RALGPS1: variants seen among roughly 807,000 people sequenced by gnomAD.
RALGPS1 encodes the protein ras-specific guanine nucleotide-releasing factor RalGPS1.
RALGPS1 carries 19 observed loss-of-function variants against 78.8 expected under a neutral mutation model. The ratio of observed to expected loss-of-function variants is 0.24; its 90% CI spans 0.17 to 0.35. The LOEUF (loss-of-function observed/expected upper bound fraction) is 0.35, where lower values mean the gene tolerates loss of function less well. Among genes scored for constraint, RALGPS1 ranks in the 10% least tolerant of loss-of-function variants. The pLI is 1.00. For synonymous variants in RALGPS1, 228 were observed against 256.3 expected, an observed-to-expected ratio of 0.89 and a Z score of 1.06; for missense variants, 454 against 688.3, an observed-to-expected ratio of 0.66 and a Z score of 3.81.
chr9:127,036,051 T>C (rs1202833395), intron 5 of RALGPS1, among the ~76,000 whole-genome samples: 1 of 152,234 alleles, frequency 6.6e-6, no homozygotes, highest in African/African-American at 2.4e-5. Flanking sequence ...TAATCTGCTT[T>C]GCATGTGGAT....
intron 12 of RALGPS1, among the ~76,000 whole-genome samples, chr9:127,196,270 G>GGAT (rs2061343462): frequency 6.6e-6 from 1 of 152,216 alleles, no homozygotes; most frequent in East Asian, 1.9e-4. Flanking sequence ...CCCATTGGAT[G>GGAT]GATGGAGAAA....
intron 10 of RALGPS1, among the ~76,000 whole-genome samples, chr9:127,173,065 T>C (rs1281058332): frequency 6.6e-6 from 1 of 152,196 alleles, no homozygotes; most frequent in East Asian, 1.9e-4. Context: ...TCCAGGGGTT[T>C]TAGTCTTTCT....
intron 4 of RALGPS1, chr9:126,990,177 G>A (rs2042160962): frequency 2.8e-6 from 2 of 704,036 alleles, no homozygotes; most frequent in East Asian, 2.9e-5. Flanking sequence ...CATTTGTAAA[G>A]TGGAGATTGG....
intron 7 of RALGPS1, among the ~76,000 whole-genome samples, chr9:127,063,255 A>G (rs1241552203): frequency 6.6e-6 from 1 of 152,228 alleles, no homozygotes; most frequent in Non-Finnish European, 1.5e-5. Context: ...AGTGCCACAT[A>G]CAAGGTACTC....
intron 4 of RALGPS1, among the ~76,000 whole-genome samples, chr9:126,981,282 A>C (rs1287220534): frequency 6.6e-6 from 1 of 152,210 alleles, no homozygotes; most frequent in Non-Finnish European, 1.5e-5. Flanking sequence ...TAGCATGCAC[A>C]GAGGGTGTGG....
chr9:127,186,352 G>C lies in RALGPS1; in HGVS notation c.911-8739G>C, dbSNP rs79546504. Among the ~76,000 whole-genome samples the C allele has an allele frequency of 5.4e-3, 830 of 152,342 alleles. 27 individuals are homozygous for C. The East Asian group carries it at 0.087, about 16-fold the overall frequency. ...AGCCACATGGTCAGTTTTTCCAGCT[G>C]TCCGTGCCATATCGGGGCTGGCAGC... On this transcript the variant is annotated intron_variant, in intron 11 of 18. Coordinates refer to ENST00000259351, the MANE Select transcript of RALGPS1 (RefSeq NM_014636.3).
At chr9:127,182,794 A>T (rs1459798574) in intron 11 of RALGPS1, among the ~76,000 whole-genome samples, 1 of 152,180 alleles carries the variant, frequency 6.6e-6, no homozygotes. Context: ...AAATGTACTA[A>T]TACAGAAAAT....
chr9:126,967,416 G>C (rs1443170288), intron 3 of RALGPS1, among the ~76,000 whole-genome samples: 1 of 152,090 alleles, frequency 6.6e-6, no homozygotes, highest in Non-Finnish European at 1.5e-5. Flanking sequence ...CTCACTCTGT[G>C]TTCAAATGTC....
In RALGPS1 at chr9:126,949,212, T is replaced by C. The variant is rs563674161; in HGVS notation, c.-65-13013T>C. 3.3e-5 allele frequency among the ~76,000 whole-genome samples: 5 copies of C among 152,360 alleles called. No homozygotes were observed. In the South Asian group the frequency reaches 1.0e-3, roughly 32 times the overall value. On this transcript the variant is annotated intron_variant, in intron 1 of 18. Transcript: ENST00000259351. ...CACATTTTCTTAATCCAGTCTATCA[T>C]TGTTGGACATTTGGGTTGGTTCCAA...
At chr9:127,010,005 C>T (rs2044200606) in intron 4 of RALGPS1, among the ~76,000 whole-genome samples, 1 of 152,116 alleles carries the variant, frequency 6.6e-6, no homozygotes, top group Non-Finnish European at 1.5e-5. Flanking sequence ...CAAGGAGGTC[C>T]CTGGTTTCCT....
chr9:126,997,212 G>C (rs971294972), intron 4 of RALGPS1, among the ~76,000 whole-genome samples: 2 of 152,146 alleles, frequency 1.3e-5, no homozygotes, highest in African/African-American at 4.8e-5. Flanking sequence ...GAAATAAAGG[G>C]TATTCAATTA....
chr9:126,969,717 A>G (rs562792314), intron 3 of RALGPS1, among the ~76,000 whole-genome samples: 9 of 152,226 alleles, frequency 5.9e-5, no homozygotes, highest in Non-Finnish European at 1.0e-4. Context: ...GTTAGACTGC[A>G]TCATAGAAAA....
chr9:127,217,163 G>C, intron 18 of RALGPS1: 2 of 1,258,178 alleles, frequency 1.6e-6, no homozygotes, highest in Non-Finnish European at 2.0e-6. Context: ...TCAGTTTCAT[G>C]TATTGGCAGA....
intron 5 of RALGPS1, among the ~76,000 whole-genome samples, chr9:127,047,603 G>A (rs1232708924): frequency 6.6e-6 from 1 of 151,960 alleles, no homozygotes; most frequent in East Asian, 1.9e-4. Flanking sequence ...GGAGGCTGAG[G>A]CAGGAGAATC....
intron 14 of RALGPS1, among the ~76,000 whole-genome samples, chr9:127,209,591 C>A (rs1454031190): frequency 6.6e-6 from 1 of 152,092 alleles, no homozygotes; most frequent in Non-Finnish European, 1.5e-5. Context: ...ATACCATCAC[C>A]CAGAGAGGAG....
intron 8 of RALGPS1, among the ~76,000 whole-genome samples, chr9:127,104,934 T>G (rs1180114633): frequency 2.0e-5 from 3 of 152,184 alleles, no homozygotes; most frequent in Non-Finnish European, 2.9e-5. Context: ...TGCCCCAAGC[T>G]CTCTGAACAG....
intron 4 of RALGPS1, among the ~76,000 whole-genome samples, chr9:127,005,686 CT>C (rs144273972): frequency 6.6e-6 from 1 of 152,102 alleles, no homozygotes; most frequent in African/African-American, 2.4e-5. Flanking sequence ...TGAAGTTCTA[CT>C]TTTTTTTCTT....
chr9:126,953,638 C>G (rs1236279040), intron 1 of RALGPS1, among the ~76,000 whole-genome samples: 1 of 152,192 alleles, frequency 6.6e-6, no homozygotes, highest in African/African-American at 2.4e-5. Flanking sequence ...GTATATAAAT[C>G]CTTTCACCTG....
At chr9:127,173,045 A>T (rs1336184347) in intron 10 of RALGPS1, among the ~76,000 whole-genome samples, 1 of 152,152 alleles carries the variant, frequency 6.6e-6, no homozygotes. Flanking sequence ...CCTTACTGCT[A>T]GCTGGGAGGT....
Sources: allele counts gnomAD v4.1 joint callset (sites outside exome capture counted in the v4.1 genomes callset), GRCh38; gene constraint gnomAD v4.1.1; transcripts MANE v1.5; gene names NCBI Gene and HGNC (gene_info 2026-07-23, HGNC 2026-07-21).